The following DNAJC3 variants were observed in gnomAD, a reference collection of about 807,000 sequenced individuals.
The protein encoded by DNAJC3 is DnaJ heat shock protein family (Hsp40) member C3, also known as dnaJ homolog subfamily C member 3.
In DNAJC3, 38 loss-of-function variants were observed where a neutral mutation model predicts 68.6. The ratio of observed to expected loss-of-function variants is 0.55; its 90% CI spans 0.43 to 0.73. DNAJC3 has a LOEUF of 0.73. DNAJC3 is among the 30% of genes least tolerant of loss of function. The pLI is 0.00. For synonymous variants in DNAJC3, 203 were observed against 204.0 expected (o/e 1.00, Z 0.04); for missense variants, 526 against 591.9 (o/e 0.89, Z 1.16).
At chr13:95,754,224 TACTC>T (rs1312580442) in intron 4 of DNAJC3, among the ~76,000 whole-genome samples, 2 of 152,160 alleles carry the variant, frequency 1.3e-5, no homozygotes. Flanking sequence ...CCCCTAAACT[TACTC>T]AGCTGGCAGG....
chr13:95,754,256 G>T (rs1882582601), intron 4 of DNAJC3, among the ~76,000 whole-genome samples: 1 of 152,134 alleles, frequency 6.6e-6, no homozygotes, highest in African/African-American at 2.4e-5. Flanking sequence ...TCCTCTTGAG[G>T]TGTTTGACTG....
intron 4 of DNAJC3, among the ~76,000 whole-genome samples, chr13:95,737,100 T>C (rs1881950998): frequency 6.7e-6 from 1 of 150,188 alleles, no homozygotes; most frequent in Non-Finnish European, 1.5e-5. Flanking sequence ...TGTCTTTGGC[T>C]CTGTTTATAT....
In DNAJC3 at chr13:95,710,811, T is replaced by A. The variant is rs17883802; in HGVS notation, c.193+1474T>A. 6.5e-3 allele frequency among the ~76,000 whole-genome samples: 987 copies of A among 152,234 alleles called. 10 individuals are homozygous for A. The highest frequency in any genetic ancestry group is 0.023 in the African/African-American group (948 of 41,554). On this transcript the variant is annotated intron_variant, in intron 2 of 11. Transcript: ENST00000602402. ...AGGTGATCCTCCCACCTCAGCCTCC[T>A]GAGTAGCTAGGACTACAGCTGCATG...
chr13:95,745,435 A>G (rs544177099), intron 4 of DNAJC3: 1 of 152,334 alleles, frequency 6.6e-6, no homozygotes, highest in East Asian at 1.9e-4. Context: ...TATGCCTGTA[A>G]TAAGAACTTT....
chr13:95,701,620 C>A (rs776045962), intron 1 of DNAJC3, among the ~76,000 whole-genome samples: 3 of 152,158 alleles, frequency 2.0e-5, no homozygotes, highest in African/African-American at 7.2e-5. Flanking sequence ...TGAATTTTCT[C>A]GCATGTATGT....
At chr13:95,777,981 G>A (rs992869979) in intron 9 of DNAJC3, among the ~76,000 whole-genome samples, 2 of 152,014 alleles carry the variant, frequency 1.3e-5, no homozygotes, top group Non-Finnish European at 2.9e-5. Flanking sequence ...AATAAAACTA[G>A]AAGTCAGTAA....
chr13:95,761,771 CTT>C (rs796680903), intron 7 of DNAJC3, among the ~76,000 whole-genome samples: 4 of 142,826 alleles, frequency 2.8e-5, no homozygotes, highest in African/African-American at 2.6e-5. Context: ...TTGGGATTGG[CTT>C]TTTTTTTTTT....
intron 9 of DNAJC3, among the ~76,000 whole-genome samples, chr13:95,770,141 T>C (rs1243057648): frequency 6.6e-6 from 1 of 152,154 alleles, no homozygotes; most frequent in African/African-American, 2.4e-5. Context: ...AGAGGGTAGG[T>C]TTGAATAGAG....
At chr13:95,704,255 G>T (rs1441119278) in intron 1 of DNAJC3, among the ~76,000 whole-genome samples, 1 of 152,164 alleles carries the variant, frequency 6.6e-6, no homozygotes, top group African/African-American at 2.4e-5. Context: ...AATTTTGCAA[G>T]TGGCTTATGT....
At chr13:95,730,881 TG>T in intron 4 of DNAJC3, among the ~76,000 whole-genome samples, 1 of 152,236 alleles carries the variant, frequency 6.6e-6, no homozygotes, top group Non-Finnish European at 1.5e-5. Context: ...TCCTTGAATC[TG>T]TAGATTGCTT....
chr13:95,750,325 G>A (rs1882436923), intron 4 of DNAJC3, among the ~76,000 whole-genome samples: 1 of 151,516 alleles, frequency 6.6e-6, no homozygotes, highest in Non-Finnish European at 1.5e-5. Flanking sequence ...GTATAGAAGG[G>A]AGATAATCTG....
intron 2 of DNAJC3, among the ~76,000 whole-genome samples, chr13:95,711,049 A>C (rs1215364165): frequency 6.6e-6 from 1 of 152,144 alleles, no homozygotes; most frequent in Non-Finnish European, 1.5e-5. Flanking sequence ...CTATTGTTGT[A>C]ATTTACTATA....
chr13:95,757,523 T>C, intron 4 of DNAJC3, 121 bp from the exon 5 acceptor site: 1 of 1,043,888 alleles, frequency 9.6e-7, no homozygotes, highest in Non-Finnish European at 1.3e-6. Flanking sequence ...GTTTTTCCAG[T>C]ATCTCTTTAC....
intron 4 of DNAJC3, among the ~76,000 whole-genome samples, chr13:95,733,001 C>A (rs1881765353): frequency 6.6e-6 from 1 of 152,046 alleles, no homozygotes; most frequent in Non-Finnish European, 1.5e-5. Flanking sequence ...TGAGAAAGTA[C>A]TTACATGATT....
At chr13:95,733,919 C>G (rs1261086260) in intron 4 of DNAJC3, among the ~76,000 whole-genome samples, 2 of 151,940 alleles carry the variant, frequency 1.3e-5, no homozygotes, top group African/African-American at 4.8e-5. Context: ...TCAGTCAGTC[C>G]TTTAAGGGGA....
At chr13:95,680,046 A>G (rs9556494) in intron 1 of DNAJC3, among the ~76,000 whole-genome samples, 10,382 of 152,312 alleles carry the variant, frequency 0.068, 484 homozygotes, top group East Asian at 0.18. Flanking sequence ...AAGGCGTTTG[A>G]AAGAGTGAAG....
chr13:95,709,832 G>T (rs1439434741), intron 2 of DNAJC3, among the ~76,000 whole-genome samples: 1 of 151,886 alleles, frequency 6.6e-6, no homozygotes, highest in Non-Finnish European at 1.5e-5. Context: ...GTAGAGACGG[G>T]GTTTCACCAT....
intron 1 of DNAJC3, among the ~76,000 whole-genome samples, chr13:95,699,310 G>A (rs1039551028): frequency 6.6e-6 from 1 of 152,186 alleles, no homozygotes; most frequent in Non-Finnish European, 1.5e-5. Context: ...CTGGAAAGAA[G>A]AAATGCTGGA....
chr13:95,686,300 G>T (rs986538248), intron 1 of DNAJC3, among the ~76,000 whole-genome samples: 1 of 152,172 alleles, frequency 6.6e-6, no homozygotes, highest in Non-Finnish European at 1.5e-5. Flanking sequence ...TTTTCTTCTT[G>T]TTGAGTTGTT....
Sources: gnomAD v4.1 joint callset for allele counts (sites outside exome capture counted in the v4.1 genomes callset) on GRCh38, gnomAD v4.1.1 for gene constraint, MANE v1.5 for transcripts, NCBI Gene and HGNC (gene_info 2026-07-23, HGNC 2026-07-21) for gene names.